Variants in SLC8B1 observed in about 807,000 individuals in gnomAD.
SLC8B1 encodes the protein solute carrier family 8 member B1.
In SLC8B1, 52 loss-of-function variants were observed where a neutral mutation model predicts 63.4. The ratio of observed to expected loss-of-function variants is 0.82; its 90% CI spans 0.66 to 1.03. The LOEUF (loss-of-function observed/expected upper bound fraction) is 1.03. Among genes scored for constraint, SLC8B1 ranks in the 50% least tolerant of loss-of-function variants. The pLI, the probability that SLC8B1 is intolerant of heterozygous loss-of-function variation, is 0.00. For missense variants in SLC8B1, 657 were observed against 741.7 expected (o/e 0.89, Z 1.33); for synonymous variants, 336 against 323.9 (o/e 1.04, Z -0.40).
At chr12:113,308,132 A>C (rs1455546127) in intron 12 of SLC8B1, 1 of 265,438 alleles carries the variant, frequency 3.8e-6, no homozygotes, top group Non-Finnish European at 7.2e-6. Flanking sequence ...AGATCACCTG[A>C]GGTCAGGAGT....
Position 113,321,051 on chromosome 12 carries a change from C to T in SLC8B1, c.362+5G>A. ...AGCCAGACCGGAGCCCAGAGCCAAA[C>T]TCACAACTTGGCTGCGGTGACTCCC... On this transcript the variant is annotated splice_donor_5th_base_variant and intron_variant, in intron 4 of 15. Coordinates refer to ENST00000680972, the MANE Select transcript of SLC8B1 (RefSeq NM_001358345.2). The T allele has an allele frequency of 2.5e-6, 4 of 1,611,882 alleles. No homozygotes were observed. Among genetic ancestry groups the T allele is most frequent in the Non-Finnish European group, 1.7e-6 (2 of 1,178,958 alleles).
chr12:113,304,363 C>T lies in SLC8B1; in HGVS notation c.1515G>A (p.Leu505=). Residue 505 remains leucine, a synonymous_variant, in exon 15 of 16, where the codon CTG becomes CTA. Transcript: ENST00000680972. ...IIFNILVGVG[L]GCLLQISRSH... Reference sequence around the variant, plus strand: ...TTCGGGAGATCTGGAGCAGGCAGCCCAGCCCCACACCCACGAGGATGTCTG... The same window carrying T: ...TTCGGGAGATCTGGAGCAGGCAGCCTAGCCCCACACCCACGAGGATGTCTG... 6.2e-7 allele frequency: 1 copy of T among 1,614,026 alleles called. No individual in the cohort carries two copies. Among genetic ancestry groups the T allele is most frequent in the Non-Finnish European group, 8.5e-7 (1 of 1,179,952 alleles).
At chr12:113,325,381 G>C (rs775430361) in intron 2 of SLC8B1, among the ~76,000 whole-genome samples, 1 of 152,126 alleles carries the variant, frequency 6.6e-6, no homozygotes, top group Non-Finnish European at 1.5e-5. Flanking sequence ...TGCCTCCCAA[G>C]TAGCTGGGAC....
Position 113,310,369 on chromosome 12 carries a change from G to C in SLC8B1, c.1136-14C>G. The C allele has an allele frequency of 6.2e-7, 1 of 1,610,266 alleles. No homozygotes were observed. The highest frequency in any genetic ancestry group is 8.5e-7 in the Non-Finnish European group (1 of 1,178,780). On this transcript the variant is annotated splice_polypyrimidine_tract_variant and intron_variant, in intron 11 of 15. Coordinates refer to ENST00000680972, the MANE Select transcript of SLC8B1 (RefSeq NM_001358345.2). ...CATAGACACCATCTGCAAAGGGAGA[G>C]AAAGGGAGCTGATACCTTCCCAGCA...
In SLC8B1 at chr12:113,318,895, G is replaced by A. The variant is rs1386674587; in HGVS notation, c.802+69C>T. On this transcript the variant is annotated intron_variant, in intron 8 of 15. Transcript: ENST00000680972. Reference sequence around the variant, plus strand: ...GGACAATGGCCTCAGGAGACCCTGGGCAGCACTGAAGGGCACAGAGGCCCC... The same window carrying A: ...GGACAATGGCCTCAGGAGACCCTGGACAGCACTGAAGGGCACAGAGGCCCC... 5 of 1,226,922 alleles carry A rather than the reference G, an allele frequency of 4.1e-6. No homozygotes were observed. In the East Asian group the frequency reaches 1.2e-4, roughly 29 times the overall value. 76.0% of individuals were successfully genotyped at this position (1,226,922 alleles called of 1,614,324 possible).
At position 113,299,699 on chromosome 12, in the gene SLC8B1, C is replaced by T. The variant is rs1441888586; in HGVS notation, c.*78G>A. The T allele has an allele frequency of 2.1e-6, 3 of 1,451,946 alleles. No homozygotes were observed. Among genetic ancestry groups the T allele is most frequent in the Non-Finnish European group, 2.9e-6 (3 of 1,037,740 alleles). 89.9% of individuals were successfully genotyped at this position (1,451,946 alleles called of 1,614,324 possible). On this transcript the variant is annotated 3_prime_UTR_variant, in exon 16 of 16. Transcript: ENST00000680972. ...TGCCCACAAGGGCCTTGCAGAAATG[C>T]TCCGGTCCCTGGGCCTCCCCCGGCA... is the stretch of plus-strand genomic sequence containing the variant.
rs555930144 is a variant in SLC8B1 at position 113,318,438 on chromosome 12, C to T, written c.802+526G>A. ...TTTGTATGTGTGTTGTGTGTATACA[C>T]GTATGTGTATGTGTTGTATGTGTGC... On this transcript the variant is annotated intron_variant, in intron 8 of 15. Coordinates refer to ENST00000680972, the MANE Select transcript of SLC8B1 (RefSeq NM_001358345.2). 6.3e-3 allele frequency among the ~76,000 whole-genome samples: 940 copies of T among 149,178 alleles called. 9 individuals carry two copies. The highest frequency in any genetic ancestry group is 0.022 in the African/African-American group (871 of 40,354).
At chr12:113,327,304 G>A (rs1957007385) in intron 2 of SLC8B1, among the ~76,000 whole-genome samples, 1 of 152,050 alleles carries the variant, frequency 6.6e-6, no homozygotes, top group South Asian at 2.1e-4. Context: ...CTGCCTGGTT[G>A]AAATTCTAAT....
intron 11 of SLC8B1, among the ~76,000 whole-genome samples, chr12:113,312,785 G>A (rs1956782040): frequency 6.6e-6 from 1 of 152,220 alleles, no homozygotes; most frequent in African/African-American, 2.4e-5. Flanking sequence ...TTGTATCAAG[G>A]AGAAAGTTTC....
Position 113,320,794 on chromosome 12 carries a change from C to A in SLC8B1, c.420+56G>T. On this transcript the variant is annotated intron_variant, in intron 5 of 15. Transcript: ENST00000680972. This position sits in a 1 kb window ranked among gnomAD's most constrained non-coding sequence, Gnocchi z 5.3. ...CGGGGATAGACATGACCCTATCTCC[C>A]AGCCTCCCCACAACTGCCCTCCCTC... The A allele has an allele frequency of 6.3e-7, 1 of 1,580,012 alleles. No homozygotes were observed. The highest frequency in any genetic ancestry group is 1.2e-5 in the South Asian group (1 of 86,690).
At chr12:113,319,827 T>C (rs926445513) in intron 7 of SLC8B1, 1 of 157,536 alleles carries the variant, frequency 6.3e-6, no homozygotes, top group Non-Finnish European at 1.4e-5. Context: ...TCTTGCTCTG[T>C]TGCCCAGGCT....
intron 10 of SLC8B1, 120 bp downstream of exon 10, chr12:113,316,406 G>A (rs1455216931): frequency 7.7e-7 from 1 of 1,290,604 alleles, no homozygotes; most frequent in Non-Finnish European, 1.1e-6. Context: ...CACAAGTCAT[G>A]TATTCTGAGA....
chr12:113,315,353 T>A lies in SLC8B1; in HGVS notation c.1117A>T (p.Thr373Ser). The change falls in exon 11 of 16, where the codon ACC becomes TCC. Residue 373 changes from threonine (T) to serine (S), a missense_variant. Coordinates refer to ENST00000680972, the MANE Select transcript of SLC8B1 (RefSeq NM_001358345.2). ...TACTCACAGGTCCCCGACTGCAGGG[T>A]CAGGACCACAACCAGGGGGCTGATA... ...LVISPLVVVL[T>S]LQSGTYGVYE... 6.5e-7 allele frequency: 1 copy of A among 1,549,692 alleles called. No individual in the cohort carries two copies. Among genetic ancestry groups the A allele is most frequent in the Non-Finnish European group, 8.7e-7 (1 of 1,146,002 alleles).
intron 9 of SLC8B1, 91 bp from the exon 10 acceptor site, chr12:113,316,747 C>T (rs1593249550): frequency 5.1e-6 from 8 of 1,562,274 alleles, no homozygotes; most frequent in Non-Finnish European, 7.0e-6. Context: ...TCCTCCCAGC[C>T]CTAAAGGAGG....
chr12:113,307,704 C>A lies in SLC8B1; in HGVS notation c.1398G>T (p.Gly466=), dbSNP rs1420455841. 1.2e-6 allele frequency: 2 copies of A among 1,613,482 alleles called. No individual in the cohort carries two copies. Among genetic ancestry groups the A allele is most frequent in the African/African-American group, 1.3e-5 (1 of 74,916 alleles). ...TVLGLTLLAW[G]NSIGDAFSDF... is the part of the protein sequence containing the mutation. ...GCCCTGAGTCACCTCCAATGCTGTTCCCCCAGGCCAGCAGCGTGAGCCCCA... is the reference window on the plus strand; with the variant it reads ...GCCCTGAGTCACCTCCAATGCTGTTACCCCAGGCCAGCAGCGTGAGCCCCA... The change falls in exon 13 of 16, where the codon GGG becomes GGT. Residue 466 remains glycine, a synonymous_variant. Coordinates refer to ENST00000680972, the MANE Select transcript of SLC8B1 (RefSeq NM_001358345.2).
chr12:113,327,170 G>A (rs908589209), intron 2 of SLC8B1, among the ~76,000 whole-genome samples: 5 of 152,108 alleles, frequency 3.3e-5, no homozygotes, highest in South Asian at 2.1e-4. Context: ...AGCACAAGGA[G>A]GAAGGACACT....
intron 11 of SLC8B1, among the ~76,000 whole-genome samples, chr12:113,315,110 AC>A (rs1185113425): frequency 2.0e-5 from 3 of 152,178 alleles, no homozygotes; most frequent in African/African-American, 7.2e-5. Flanking sequence ...ACATGGTGAA[AC>A]CCCGTCTCTG....
chr12:113,304,421 C>T, intron 14 of SLC8B1, 36 bp from the exon 15 acceptor site: 2 of 1,595,830 alleles, frequency 1.3e-6, no homozygotes, highest in South Asian at 2.2e-5. Context: ...CTGGAATGGC[C>T]TGCACATAAC....
intron 2 of SLC8B1, among the ~76,000 whole-genome samples, chr12:113,327,253 G>A (rs762162048): frequency 5.9e-5 from 9 of 152,102 alleles, no homozygotes; most frequent in Non-Finnish European, 1.2e-4. Context: ...ATATTGGGAG[G>A]CAGTACAGCT....
Sources: gnomAD v4.1 joint callset for allele counts (sites outside exome capture counted in the v4.1 genomes callset) on GRCh38, gnomAD v4.1.1 for gene constraint, Gnocchi (gnomAD v3.1) non-coding constraint, MANE v1.5 for transcripts, NCBI Gene and HGNC (gene_info 2026-07-23, HGNC 2026-07-21) for gene names.